TACC1: variants seen among roughly 807,000 people sequenced by gnomAD.
TACC1 encodes the protein transforming acidic coiled-coil containing protein 1.
In TACC1, 48 loss-of-function variants were observed where a neutral mutation model predicts 84.4. That is an observed-to-expected ratio of 0.57 (90% CI 0.45 to 0.72). The LOEUF is 0.72. Ranked by LOEUF, TACC1 falls within the 30% of genes least tolerant of loss-of-function variation. The probability of loss-of-function intolerance (pLI) is 0.00; values close to 1 mark genes in which losing one functional copy is unlikely to be tolerated. For missense variants in TACC1, 920 were observed against 973.0 expected, an observed-to-expected ratio of 0.95 and a Z score of 0.72; for synonymous variants, 372 against 376.3, an observed-to-expected ratio of 0.99 and a Z score of 0.13.
At chr8:38,784,932 T>C (rs1180112340), upstream of TACC1, among the ~76,000 whole-genome samples, 2 of 152,224 alleles carry the variant, frequency 1.3e-5, no homozygotes, top group East Asian at 3.8e-4. Context: ...GAGACAGTCC[T>C]GGTTTATGCC....
upstream of TACC1, chr8:38,785,581 G>A (rs1816981325): frequency 1.5e-5 from 8 of 537,184 alleles, no homozygotes; most frequent in Non-Finnish European, 1.9e-5. Context: ...CCACAGGGAT[G>A]CAAAGGAATG....
Position 38,852,479 on chromosome 8 carries a change from A to G in TACC1, c.*4456A>G, listed in dbSNP as rs968301053. 6.5e-6 allele frequency: 1 copy of G among 152,674 alleles called. No individual in the cohort carries two copies. The highest frequency in any genetic ancestry group is 1.5e-5 in the Non-Finnish European group (1 of 68,228). 9.5% of individuals were successfully genotyped at this position (152,674 alleles called of 1,614,324 possible). ...GTGGTATCTGACATATACTCAAAAC[A>G]GTAATTTCCTGGTCACATCATTAAC... On this transcript the variant is annotated 3_prime_UTR_variant, in exon 13 of 13. Coordinates refer to ENST00000317827, the MANE Select transcript of TACC1 (RefSeq NM_006283.3).
At chr8:38,794,607 A>G (rs1399149042) in intron 2 of TACC1, among the ~76,000 whole-genome samples, 1 of 151,972 alleles carries the variant, frequency 6.6e-6, no homozygotes, top group East Asian at 1.9e-4. Context: ...CAGCATGGAA[A>G]CCTTGTTAAA....
chr8:38,843,524 C>G, intron 11 of TACC1, 129 bp downstream of exon 11: 1 of 566,868 alleles, frequency 1.8e-6, no homozygotes, highest in Non-Finnish European at 2.9e-6. Flanking sequence ...CTTTTTAAAC[C>G]CTTTTCCCAT....
Position 38,819,529 on chromosome 8 carries a change from A to G in TACC1, c.285A>G (p.Gln95=), listed in dbSNP as rs1440940854. The G allele has an allele frequency of 1.7e-5, 28 of 1,601,102 alleles. No individual in the cohort carries two copies. The highest frequency in any genetic ancestry group is 2.1e-5 in the Non-Finnish European group (25 of 1,171,826). Reference sequence around the variant, plus strand: ...TTTTGTGTTTCATTTTAGAATCACAAGAAGCTGATGAACAGCTTGTAGCAG... The same window carrying G: ...TTTTGTGTTTCATTTTAGAATCACAGGAAGCTGATGAACAGCTTGTAGCAG... ...AGPGAKSQES[Q]EADEQLVAEV... is the part of the protein sequence containing the mutation. Residue 95 remains glutamine (Q), a synonymous_variant, in exon 3 of 13, where the codon CAA becomes CAG. Transcript: ENST00000317827.
chr8:38,757,303 G>C, intron 3 of TACC1: 2 of 1,261,946 alleles, frequency 1.6e-6, no homozygotes, highest in African/African-American at 3.2e-5. Context: ...CAGCACAGGA[G>C]GGTGCAGCCC....
intron 3 of TACC1, among the ~76,000 whole-genome samples, chr8:38,763,406 C>A (rs533724546): frequency 6.6e-5 from 10 of 152,268 alleles, no homozygotes; most frequent in African/African-American, 1.9e-4. Flanking sequence ...ATTCTCCCCC[C>A]TCAGCCTCCC....
chr8:38,783,106 CTATA>C (rs72048692), upstream of TACC1, among the ~76,000 whole-genome samples: 13,972 of 86,812 alleles, frequency 0.16, 783 homozygotes, highest in Middle Eastern at 0.2. Flanking sequence ...ATCTATCTAT[CTATA>C]TATATATATA....
At chr8:38,840,538 T>C in intron 9 of TACC1, 1 of 288,008 alleles carries the variant, frequency 3.5e-6, no homozygotes, top group South Asian at 6.5e-5. Context: ...CCATGCCCAC[T>C]TTCACCCTGA....
chr8:38,827,081 T>G, intron 4 of TACC1, 87 bp from the exon 5 acceptor site: 2 of 1,132,980 alleles, frequency 1.8e-6, no homozygotes, highest in South Asian at 2.9e-5. Flanking sequence ...TATGGAGTTG[T>G]GTCTACTTTG....
chr8:38,729,112 G>T (rs1027952872), intron 1 of TACC1, among the ~76,000 whole-genome samples: 2 of 152,114 alleles, frequency 1.3e-5, no homozygotes, highest in Non-Finnish European at 2.9e-5. Context: ...AGGGGACAGG[G>T]CTGGGAAAAG....
At chr8:38,745,392 A>G (rs1458996285) in exon 3 of TACC1, 2 of 625,848 alleles carry the variant, frequency 3.2e-6, no homozygotes, top group Non-Finnish European at 5.7e-6. Flanking sequence ...TTGAAACCCA[A>G]ATTATGGGAC....
chr8:38,827,377 T>A lies in TACC1; in HGVS notation c.1660+2T>A. ...ATGCGTTTTCATCCTCAGAAGCAGG[T>A]ATGGAAGCATATCTTCATCTTTCTA... On this transcript the variant is annotated splice_donor_variant, in intron 5 of 12. Coordinates refer to ENST00000317827, the MANE Select transcript of TACC1 (RefSeq NM_006283.3). LOFTEE classifies it high-confidence loss of function. The A allele has an allele frequency of 6.2e-7, 1 of 1,613,970 alleles. No homozygotes were observed. Among genetic ancestry groups the A allele is most frequent in the Non-Finnish European group, 8.5e-7 (1 of 1,179,836 alleles).
chr8:38,772,157 G>T (rs2151894987), intron 3 of TACC1, among the ~76,000 whole-genome samples: 1 of 152,288 alleles, frequency 6.6e-6, no homozygotes, highest in African/African-American at 2.4e-5. Flanking sequence ...AGTCCTTGGT[G>T]GTGGCTTATC....
chr8:38,810,586 A>G (rs1823853648), intron 2 of TACC1, among the ~76,000 whole-genome samples: 1 of 152,192 alleles, frequency 6.6e-6, no homozygotes, highest in Non-Finnish European at 1.5e-5. Flanking sequence ...CCTGGGTGAC[A>G]GAGCAAGACC....
chr8:38,796,338 C>A (rs1468087724), intron 2 of TACC1, among the ~76,000 whole-genome samples: 3 of 152,148 alleles, frequency 2.0e-5, no homozygotes, highest in Non-Finnish European at 4.4e-5. Flanking sequence ...ATTTGTGAAT[C>A]CCTCTCTGTT....
intron 2 of TACC1, among the ~76,000 whole-genome samples, chr8:38,794,950 T>C (rs948955183): frequency 1.3e-5 from 2 of 152,224 alleles, no homozygotes; most frequent in Admixed American, 6.5e-5. Context: ...ACAGTTTGAT[T>C]TTTTTGTACT....
At chr8:38,732,774 G>A (rs1357159586) in intron 1 of TACC1, among the ~76,000 whole-genome samples, 3 of 152,196 alleles carry the variant, frequency 2.0e-5, no homozygotes, top group Non-Finnish European at 2.9e-5. Context: ...CAGACAGCTC[G>A]TAAGCATTGG....
In TACC1 at chr8:38,759,433, T is replaced by C. The variant is rs111567331; in HGVS notation, c.26+13940T>C. Reference sequence around the variant, plus strand: ...ATGGAGTCTTTCACTGACTGTATGCTGAAGAAATGAACTCAGGATGTGAGG... The same window carrying C: ...ATGGAGTCTTTCACTGACTGTATGCCGAAGAAATGAACTCAGGATGTGAGG... On this transcript the variant is annotated intron_variant, in intron 3 of 14. Coordinates refer to the TACC1 transcript ENST00000518415. Among the ~76,000 whole-genome samples the C allele has an allele frequency of 3.0e-3, 457 of 152,364 alleles. 5 individuals carry two copies. The highest frequency in any genetic ancestry group is 0.011 in the African/African-American group (438 of 41,598).
Sources: allele counts gnomAD v4.1 joint callset (sites outside exome capture counted in the v4.1 genomes callset), GRCh38; gene constraint gnomAD v4.1.1; transcripts MANE v1.5; gene names NCBI Gene and HGNC (gene_info 2026-07-23, HGNC 2026-07-21).